DPP6: variants seen among roughly 807,000 people sequenced by gnomAD.
DPP6 encodes the protein dipeptidyl peptidase like 6, also known as A-type potassium channel modulatory protein DPP6.
Under a neutral mutation model 122.6 loss-of-function variants are expected in DPP6, and 69 were observed. The ratio of observed to expected loss-of-function variants is 0.56; its 90% CI spans 0.46 to 0.69. DPP6 has a LOEUF of 0.69. Ranked by LOEUF, DPP6 falls within the 30% of genes least tolerant of loss-of-function variation. The probability of loss-of-function intolerance (pLI) is 0.00; values close to 1 mark genes in which losing one functional copy is unlikely to be tolerated. For missense variants in DPP6, 928 were observed against 1,116.9 expected (o/e 0.83, Z 2.41); for synonymous variants, 418 against 433.1 (o/e 0.97, Z 0.43).
chr7:154,060,815 T>C (rs28875226), intron 1 of DPP6, among the ~76,000 whole-genome samples: 815 of 47,470 alleles, frequency 0.017, 78 homozygotes, highest in South Asian at 0.1. Context: ...GCACCCCCCA[T>C]GAGGCAGGGA....
At chr7:154,568,808 T>C (rs1234214993) in intron 5 of DPP6, among the ~76,000 whole-genome samples, 1 of 152,024 alleles carries the variant, frequency 6.6e-6, no homozygotes, top group African/African-American at 2.4e-5. Flanking sequence ...CCTAGGAAGT[T>C]TGAAGTGTAT....
At chr7:154,142,617 C>G (rs1451666144) in intron 1 of DPP6, among the ~76,000 whole-genome samples, 7 of 152,162 alleles carry the variant, frequency 4.6e-5, no homozygotes, top group Non-Finnish European at 1.5e-5. Flanking sequence ...TTTTTCTACT[C>G]AAATGATTGT....
At position 153,888,133 on chromosome 7, in the gene DPP6, G is replaced by T. The variant is rs376497917; in HGVS notation, c.51+399G>T. 5.5e-3 allele frequency among the ~76,000 whole-genome samples: 839 copies of T among 152,158 alleles called. 12 individuals carry two copies. The highest frequency in any genetic ancestry group is 0.02 in the African/African-American group (810 of 41,538). On this transcript the variant is annotated intron_variant, in intron 1 of 25. Coordinates refer to the DPP6 transcript ENST00000404039. ...GGCCAGGGAAGGGCCACTGGGCCCTGGCGCCCGCGCCGGCCTCGGTGCTCC... is the reference window on the plus strand; with the variant it reads ...GGCCAGGGAAGGGCCACTGGGCCCTTGCGCCCGCGCCGGCCTCGGTGCTCC...
At chr7:153,923,906 A>C (rs1171465271) in intron 1 of DPP6, among the ~76,000 whole-genome samples, 2 of 152,150 alleles carry the variant, frequency 1.3e-5, no homozygotes, top group Non-Finnish European at 1.5e-5. Flanking sequence ...TATGGGATAC[A>C]AAAGGATAAT....
chr7:154,533,579 A>G (rs979869400), intron 3 of DPP6, among the ~76,000 whole-genome samples: 1 of 152,190 alleles, frequency 6.6e-6, no homozygotes, highest in African/African-American at 2.4e-5. Flanking sequence ...TTCCCAACTT[A>G]TTTTATGAAG....
intron 1 of DPP6, among the ~76,000 whole-genome samples, chr7:154,112,646 A>G (rs1046424206): frequency 6.6e-6 from 1 of 152,118 alleles, no homozygotes; most frequent in African/African-American, 2.4e-5. Context: ...CTCCATCTCA[A>G]AAAAAGAAAA....
At position 154,821,628 on chromosome 7, in the gene DPP6, G is replaced by GTATATA. The variant is rs71184038; in HGVS notation, c.1666+14529_1666+14534dup. ...ATATATATATATATATTTTTTTTCTGTATATATATATATATATACACATAT... is the reference window on the plus strand; with the variant it reads ...ATATATATATATATATTTTTTTTCTGTATATATATATATATATATATATACACATAT... On this transcript the variant is annotated intron_variant, in intron 16 of 25. Transcript: ENST00000377770. The surrounding 1 kb of genome is among the most constrained non-coding windows in gnomAD (Gnocchi z 4.2). Among the ~76,000 whole-genome samples the GTATATA allele has an allele frequency of 0.046, 3,133 of 68,280 alleles. 127 individuals are homozygous for GTATATA. Among genetic ancestry groups the GTATATA allele is most frequent in the African/African-American group, 0.16 (2,908 of 18,390 alleles). 44.8% of individuals were successfully genotyped at this position (68,280 alleles called of 152,430 possible). A position where few individuals can be genotyped will look rare whatever the true frequency, so the allele number is the denominator to read the frequency against.
At position 154,082,281 on chromosome 7, in the gene DPP6, C is replaced by T. The variant is rs527595076; in HGVS notation, c.243+29218C>T. Among the ~76,000 whole-genome samples, 78 of 152,266 alleles carry T rather than the reference C, an allele frequency of 5.1e-4. No homozygotes were observed. In the Middle Eastern group the frequency reaches 0.01, roughly 20 times the overall value. ...CAGAAGTCCTTTTATATCTCTTCTA[C>T]ATTCATCTTCAGAGCCATTGTATCA... On this transcript the variant is annotated intron_variant, in intron 1 of 25. Transcript: ENST00000377770.
At position 154,456,826 on chromosome 7, in the gene DPP6, C is replaced by T. The variant is rs1254150686; in HGVS notation, c.358+10498C>T. Reference sequence around the variant, plus strand: ...AGCTTAAGGAGATTTTGGGCTGAGACGATGGGGTTTTCTAGATAAACAATC... The same window carrying T: ...AGCTTAAGGAGATTTTGGGCTGAGATGATGGGGTTTTCTAGATAAACAATC... On this transcript the variant is annotated intron_variant, in intron 2 of 25. Transcript: ENST00000377770. Among the ~76,000 whole-genome samples the T allele has an allele frequency of 9.0e-5, 2 of 22,278 alleles. 1 individual carries two copies. The highest frequency in any genetic ancestry group is 1.9e-4 in the Non-Finnish European group (2 of 10,338). The allele number at this position is 22,278 out of a possible 152,430, so 14.6% of individuals were successfully genotyped here.
At chr7:154,106,987 A>T (rs1278592505) in intron 1 of DPP6, among the ~76,000 whole-genome samples, 1 of 152,162 alleles carries the variant, frequency 6.6e-6, no homozygotes, top group Admixed American at 6.5e-5. Flanking sequence ...GTTAGAGGGA[A>T]TGTGAGTTTT....
rs1388726825 is a variant in DPP6 at position 154,607,114 on chromosome 7, A to C, written c.628-30707A>C. Among the ~76,000 whole-genome samples the C allele has an allele frequency of 5.8e-5, 7 of 120,926 alleles. 1 individual carries two copies. The highest frequency in any genetic ancestry group is 1.6e-4 in the African/African-American group (6 of 37,890). The allele number at this position is 120,926 out of a possible 152,430, so 79.3% of individuals were successfully genotyped here. A position where few individuals can be genotyped will look rare whatever the true frequency, so the allele number is the denominator to read the frequency against. On this transcript the variant is annotated intron_variant, in intron 5 of 25. Coordinates refer to ENST00000377770, the MANE Select transcript of DPP6 (RefSeq NM_130797.4). Reference sequence around the variant, plus strand: ...CATGAGCAGCTCATTTCTCCAGTAAACTGTGGATCACAGGAAAAAGTGATC... The same window carrying C: ...CATGAGCAGCTCATTTCTCCAGTAACCTGTGGATCACAGGAAAAAGTGATC...
intron 1 of DPP6, among the ~76,000 whole-genome samples, chr7:154,364,879 G>A (rs1383076912): frequency 6.6e-6 from 1 of 152,178 alleles, no homozygotes; most frequent in Non-Finnish European, 1.5e-5. Context: ...ATTCATGGAA[G>A]AAGCTTGAAA....
intron 1 of DPP6, among the ~76,000 whole-genome samples, chr7:154,259,630 T>A (rs1012921676): frequency 6.7e-6 from 1 of 149,520 alleles, no homozygotes; most frequent in African/African-American, 2.6e-5. Context: ...TACTGAGGAA[T>A]GTCACTGGAA....
At chr7:154,788,105 C>T (rs1295958807) in intron 10 of DPP6, among the ~76,000 whole-genome samples, 1 of 151,764 alleles carries the variant, frequency 6.6e-6, no homozygotes, top group Non-Finnish European at 1.5e-5. Context: ...AATTTTGAGC[C>T]ATTAATTTTG....
intron 6 of DPP6, among the ~76,000 whole-genome samples, chr7:154,662,563 GTTCATATAGTCATGGTGAATCACCAT>G (rs1278391380): frequency 1.4e-4 from 11 of 78,320 alleles, no homozygotes; most frequent in South Asian, 6.0e-4. Context: ...CAGCCGTAGT[GTTCATATAGTCATGGTGAATCACCAT>G]GGCGTATCGG....
At chr7:153,859,241 C>T in the DPP6 span, among the ~76,000 whole-genome samples, 1 of 152,074 alleles carries the variant, frequency 6.6e-6, no homozygotes, top group Non-Finnish European at 1.5e-5. Context: ...CTGCATTGCA[C>T]CATGCATTGC....
At chr7:154,348,967 T>G (rs1401732622) in intron 1 of DPP6, among the ~76,000 whole-genome samples, 1 of 152,182 alleles carries the variant, frequency 6.6e-6, no homozygotes, top group African/African-American at 2.4e-5. Context: ...AAGTTGCCTG[T>G]TCTCTGTTGT....
At chr7:153,850,340 G>T in the DPP6 span, among the ~76,000 whole-genome samples, 1 of 152,088 alleles carries the variant, frequency 6.6e-6, no homozygotes, top group Non-Finnish European at 1.5e-5. Context: ...ATTGGCTGGG[G>T]GGTCACCTTC....
intron 3 of DPP6, chr7:154,475,387 G>A: frequency 3.2e-6 from 1 of 316,438 alleles, no homozygotes; most frequent in Non-Finnish European, 6.2e-6. Flanking sequence ...GGCACGGTGA[G>A]CTTTCCTTCC....
Sources: allele counts gnomAD v4.1 joint callset (sites outside exome capture counted in the v4.1 genomes callset), GRCh38; gene constraint gnomAD v4.1.1; non-coding constraint Gnocchi (gnomAD v3.1); transcripts MANE v1.5; gene names NCBI Gene and HGNC (gene_info 2026-07-23, HGNC 2026-07-21).